Variants in CNTN5 observed in about 807,000 individuals in gnomAD.
CNTN5 encodes contactin-5.
Under a neutral mutation model 129.1 loss-of-function variants are expected in CNTN5, and 77 were observed. That is an observed-to-expected ratio of 0.60 (90% confidence interval 0.50 to 0.72). CNTN5 has a LOEUF of 0.72. Among genes scored for constraint, CNTN5 ranks in the 30% least tolerant of loss-of-function variants. The pLI is 0.00. For synonymous variants in CNTN5, 509 were observed against 465.6 expected, an observed-to-expected ratio of 1.09 and a Z score of -1.20; for missense variants, 1,478 against 1,328.8, an observed-to-expected ratio of 1.11 and a Z score of -1.75.
chr11:99,941,816 G>C (rs1950445218), intron 7 of CNTN5, among the ~76,000 whole-genome samples: 1 of 152,056 alleles, frequency 6.6e-6, no homozygotes, highest in Admixed American at 6.6e-5. Context: ...GGCTAGGGTG[G>C]ATTGAAGAAA....
rs540751574 is a variant in CNTN5, at chr11:99,502,724, G to A, written c.-70-53421G>A. Among the ~76,000 whole-genome samples the A allele has an allele frequency of 2.0e-5, 3 of 152,254 alleles. No individual in the cohort carries two copies. The South Asian group carries it at 6.2e-4, about 32-fold the overall frequency. On this transcript the variant is annotated intron_variant, in intron 2 of 24. Coordinates refer to ENST00000524871, the MANE Select transcript of CNTN5 (RefSeq NM_014361.4). The stretch of plus-strand genomic sequence containing the variant: ...CAACAGTAACTTATTTTCAACAAAA[G>A]CACAGTTATGCTCTAGGTCCCTACT...
At chr11:99,843,163 G>T (rs1947570174) in intron 4 of CNTN5, among the ~76,000 whole-genome samples, 1 of 152,194 alleles carries the variant, frequency 6.6e-6, no homozygotes, top group Non-Finnish European at 1.5e-5. Flanking sequence ...GGCAGAGGTT[G>T]CAGTGAGCCA....
chr11:100,297,973 G>C (rs542456683), intron 19 of CNTN5, among the ~76,000 whole-genome samples: 11 of 151,376 alleles, frequency 7.3e-5, no homozygotes, highest in African/African-American at 2.7e-4. Context: ...TTGTGACTTT[G>C]ATTACAAAAT....
chr11:100,034,707 C>T (rs1941890513), intron 9 of CNTN5, among the ~76,000 whole-genome samples: 1 of 152,156 alleles, frequency 6.6e-6, no homozygotes, highest in Non-Finnish European at 1.5e-5. Flanking sequence ...GCCTTAGGTA[C>T]TTGCAATAGA....
At chr11:99,392,075 G>A (rs1439014372) in intron 2 of CNTN5, among the ~76,000 whole-genome samples, 4 of 151,712 alleles carry the variant, frequency 2.6e-5, no homozygotes, top group Non-Finnish European at 4.4e-5. Context: ...TTGTCTGTGA[G>A]GTGTGTAGAA....
chr11:99,272,604 C>A (rs1443770755), intron 1 of CNTN5, among the ~76,000 whole-genome samples: 5 of 151,658 alleles, frequency 3.3e-5, no homozygotes, highest in South Asian at 2.1e-4. Flanking sequence ...TAATTATTTT[C>A]TTTTCTCACA....
At chr11:99,471,703 T>C (rs546863996) in intron 2 of CNTN5, among the ~76,000 whole-genome samples, 3 of 152,134 alleles carry the variant, frequency 2.0e-5, no homozygotes, top group East Asian at 3.9e-4. Flanking sequence ...GGCTGACATA[T>C]AGTAAGTACC....
At chr11:100,088,078 A>G (rs1242979585) in intron 13 of CNTN5, among the ~76,000 whole-genome samples, 1 of 151,958 alleles carries the variant, frequency 6.6e-6, no homozygotes, top group Non-Finnish European at 1.5e-5. Context: ...AAGAGACACA[A>G]CACACCAAAA....
intron 3 of CNTN5, among the ~76,000 whole-genome samples, chr11:99,638,940 C>T (rs1053058754): frequency 2.0e-5 from 3 of 152,130 alleles, no homozygotes; most frequent in African/African-American, 7.2e-5. Context: ...TAGGCAGTGC[C>T]CCAGTAGGGA....
At chr11:99,317,897 T>C (rs567685067) in intron 1 of CNTN5, among the ~76,000 whole-genome samples, 3 of 152,044 alleles carry the variant, frequency 2.0e-5, no homozygotes, top group African/African-American at 7.2e-5. Context: ...TACAAAAGAG[T>C]TTGTATTTTT....
At position 99,375,457 on chromosome 11, in the gene CNTN5, C is replaced by T. The variant is rs1940122348; in HGVS notation, c.-71+49973C>T. ...ATAATAACAAGTTAGAGAGTATAGTCAGGAGCTAGTATTGAGGAATGAAGC... is the reference window on the plus strand; with the variant it reads ...ATAATAACAAGTTAGAGAGTATAGTTAGGAGCTAGTATTGAGGAATGAAGC... On this transcript the variant is annotated intron_variant, in intron 2 of 24. Coordinates refer to ENST00000524871, the MANE Select transcript of CNTN5 (RefSeq NM_014361.4). Among the ~76,000 whole-genome samples, 3 of 151,790 alleles carry T rather than the reference C, an allele frequency of 2.0e-5. No individual in the cohort carries two copies. In the South Asian group the frequency reaches 6.2e-4, roughly 32 times the overall value.
At chr11:99,885,499 A>G (rs1322093439) in intron 6 of CNTN5, among the ~76,000 whole-genome samples, 1 of 152,178 alleles carries the variant, frequency 6.6e-6, no homozygotes, top group East Asian at 1.9e-4. Flanking sequence ...TGTTATTTAC[A>G]AAATTGTAAA....
chr11:99,608,243 A>G lies in CNTN5; in HGVS notation c.55+51974A>G, dbSNP rs140263092. Among the ~76,000 whole-genome samples the G allele has an allele frequency of 7.8e-4, 119 of 152,290 alleles. 2 individuals are homozygous for G. The South Asian group carries it at 0.017, about 22-fold the overall frequency. ...ATGTGTTGTCCCATCTATGCTGCAT[A>G]CTAGGAATTGGAAGTCCTTTTAGTT... On this transcript the variant is annotated intron_variant, in intron 3 of 24. Transcript: ENST00000524871.
intron 2 of CNTN5, among the ~76,000 whole-genome samples, chr11:99,440,979 A>G (rs1565584504): frequency 6.6e-6 from 1 of 152,072 alleles, no homozygotes; most frequent in Non-Finnish European, 1.5e-5. Flanking sequence ...TGGTTTTTAA[A>G]ATTTTTATTA....
chr11:99,994,176 GT>G (rs1939301439), intron 8 of CNTN5, among the ~76,000 whole-genome samples: 1 of 146,852 alleles, frequency 6.8e-6, no homozygotes, highest in Non-Finnish European at 1.5e-5. Flanking sequence ...ACAAAAGAAT[GT>G]CTTCTTTGCA....
At chr11:99,998,261 A>T (rs1191046200) in intron 8 of CNTN5, among the ~76,000 whole-genome samples, 1 of 151,990 alleles carries the variant, frequency 6.6e-6, no homozygotes, top group South Asian at 2.1e-4. Context: ...AAACCCCATC[A>T]TCTCAGCCCA....
chr11:100,080,817 G>A (rs1212885669), intron 13 of CNTN5, among the ~76,000 whole-genome samples: 1 of 152,084 alleles, frequency 6.6e-6, no homozygotes, highest in East Asian at 1.9e-4. Flanking sequence ...CATAAATCAA[G>A]AATGTACAAT....
At chr11:99,325,309 G>A (rs980139441) in intron 1 of CNTN5, 37 bp from the exon 2 acceptor site, 15 of 151,848 alleles carry the variant, frequency 9.9e-5, no homozygotes, top group African/African-American at 2.9e-4. Flanking sequence ...AAAAAAGGAT[G>A]ATTTTTATCA....
At chr11:99,110,391 A>G (rs1433178646) in intron 1 of CNTN5, among the ~76,000 whole-genome samples, 1 of 152,126 alleles carries the variant, frequency 6.6e-6, no homozygotes, top group East Asian at 1.9e-4. Context: ...TTCAAAGCAT[A>G]TTATATGACG....
Sources: gnomAD v4.1 joint callset for allele counts (sites outside exome capture counted in the v4.1 genomes callset) on GRCh38, gnomAD v4.1.1 for gene constraint, MANE v1.5 for transcripts, NCBI Gene and HGNC (gene_info 2026-07-23, HGNC 2026-07-21) for gene names.